Variants in CNTNAP2 observed in about 807,000 individuals in gnomAD.
The protein encoded by CNTNAP2 is contactin associated protein 2, also known as contactin-associated protein-like 2.
Under a neutral mutation model 155.2 loss-of-function variants are expected in CNTNAP2, and 98 were observed. That is an observed-to-expected ratio of 0.63 (90% CI 0.54 to 0.75). The LOEUF (loss-of-function observed/expected upper bound fraction) is 0.75. CNTNAP2 is among the 30% of genes least tolerant of loss of function. The pLI, the probability that CNTNAP2 is intolerant of heterozygous loss-of-function variation, is 0.00. For synonymous variants in CNTNAP2, 651 were observed against 631.2 expected (o/e 1.03, Z -0.47); for missense variants, 1,727 against 1,688.1 (o/e 1.02, Z -0.40).
At chr7:146,340,606 T>A in intron 1 of CNTNAP2, among the ~76,000 whole-genome samples, 1 of 152,172 alleles carries the variant, frequency 6.6e-6, no homozygotes, top group East Asian at 1.9e-4. Flanking sequence ...CCTGTATTTT[T>A]ATTTGCTAAG....
intron 18 of CNTNAP2, among the ~76,000 whole-genome samples, chr7:148,181,142 C>T (rs929011943): frequency 2.1e-4 from 32 of 152,282 alleles, no homozygotes; most frequent in African/African-American, 7.5e-4. Context: ...GGCCTTTGGA[C>T]TTGGACGGAG....
At chr7:148,316,026 C>A (rs1487016710) in intron 21 of CNTNAP2, among the ~76,000 whole-genome samples, 2 of 151,852 alleles carry the variant, frequency 1.3e-5, no homozygotes. Context: ...GAGCATCCTT[C>A]TTAAGTCAAA....
intron 15 of CNTNAP2, among the ~76,000 whole-genome samples, chr7:148,081,987 G>A (rs573031418): frequency 2.0e-5 from 3 of 152,158 alleles, no homozygotes; most frequent in African/African-American, 7.2e-5. Flanking sequence ...TTTTTTAAAT[G>A]TTTTATAGAT....
chr7:147,060,219 G>A (rs1446543911), intron 4 of CNTNAP2, among the ~76,000 whole-genome samples: 1 of 152,062 alleles, frequency 6.6e-6, no homozygotes, highest in Non-Finnish European at 1.5e-5. Flanking sequence ...GGGGAACACA[G>A]TACATCTATA....
At chr7:147,045,379 AT>A (rs1226158266) in intron 4 of CNTNAP2, among the ~76,000 whole-genome samples, 5 of 152,206 alleles carry the variant, frequency 3.3e-5, no homozygotes, top group Admixed American at 3.3e-4. Context: ...AGTAACAGAA[AT>A]TGGTCAAAAT....
rs764498372 is a variant in CNTNAP2 at position 148,147,660 on chromosome 7, C to T, written c.2724C>T (p.Ala908=). 1.9e-6 allele frequency: 3 copies of T among 1,613,914 alleles called. No individual in the cohort carries two copies. Among genetic ancestry groups the T allele is most frequent in the South Asian group, 1.1e-5 (1 of 91,078 alleles). The change falls in exon 17 of 24, where the codon GCC becomes GCT. Residue 908 remains alanine, a synonymous_variant. Transcript: ENST00000361727. ...VDRLPQQIRK[A]PTEGHTRLEL... is the part of the protein sequence containing the mutation. ...GGCTACCGCAGCAGATCCGCAAGGCCCCAACAGAAGGCCACACCCGCCTGG... is the reference window on the plus strand; with the variant it reads ...GGCTACCGCAGCAGATCCGCAAGGCTCCAACAGAAGGCCACACCCGCCTGG...
chr7:148,277,548 T>C (rs1796890328), intron 21 of CNTNAP2, among the ~76,000 whole-genome samples: 1 of 151,556 alleles, frequency 6.6e-6, no homozygotes, highest in Non-Finnish European at 1.5e-5. Context: ...TCTTCTTCCC[T>C]CTCTACATGA....
chr7:147,893,715 A>G (rs150761916), intron 13 of CNTNAP2, among the ~76,000 whole-genome samples: 68 of 152,300 alleles, frequency 4.5e-4, no homozygotes, highest in African/African-American at 1.6e-3. Flanking sequence ...CAAAAAAATC[A>G]GAAGTTATTA....
At chr7:147,124,994 G>A (rs945889880) in intron 6 of CNTNAP2, among the ~76,000 whole-genome samples, 2 of 148,084 alleles carry the variant, frequency 1.4e-5, no homozygotes, top group Admixed American at 6.9e-5. Context: ...GATTCTCCTG[G>A]CTCAGCCTCC....
At chr7:147,630,498 A>G (rs1311451143) in intron 12 of CNTNAP2, among the ~76,000 whole-genome samples, 1 of 152,078 alleles carries the variant, frequency 6.6e-6, no homozygotes, top group Non-Finnish European at 1.5e-5. Context: ...CCTAATACCA[A>G]AGCCAGGAAA....
chr7:148,119,620 T>C (rs1804557481), intron 16 of CNTNAP2, among the ~76,000 whole-genome samples: 1 of 152,208 alleles, frequency 6.6e-6, no homozygotes, highest in Non-Finnish European at 1.5e-5. Context: ...TGATCCCAAA[T>C]CCATTTCCCA....
At chr7:146,198,862 T>C (rs537463892) in intron 1 of CNTNAP2, among the ~76,000 whole-genome samples, 1 of 152,286 alleles carries the variant, frequency 6.6e-6, no homozygotes, top group South Asian at 2.1e-4. Context: ...AATAATTTCA[T>C]TGATTTCTTG....
chr7:147,056,645 A>G (rs1347332356), intron 4 of CNTNAP2, among the ~76,000 whole-genome samples: 1 of 152,234 alleles, frequency 6.6e-6, no homozygotes, highest in Non-Finnish European at 1.5e-5. Context: ...GTTAACGAAC[A>G]AAAGCAAGGT....
chr7:147,443,372 A>C (rs1449951687), intron 10 of CNTNAP2, among the ~76,000 whole-genome samples: 2 of 151,976 alleles, frequency 1.3e-5, no homozygotes, highest in Admixed American at 1.3e-4. Context: ...TGCTCTCCTC[A>C]CCCATGCTGC....
At chr7:147,767,029 T>G (rs900223415) in intron 13 of CNTNAP2, among the ~76,000 whole-genome samples, 3 of 152,112 alleles carry the variant, frequency 2.0e-5, no homozygotes, top group Non-Finnish European at 4.4e-5. Context: ...TTACTCCCTA[T>G]TGACTTGTTG....
At chr7:147,250,465 T>C (rs1009999728) in intron 8 of CNTNAP2, among the ~76,000 whole-genome samples, 2 of 152,154 alleles carry the variant, frequency 1.3e-5, no homozygotes, top group African/African-American at 2.4e-5. Flanking sequence ...AAATTCCCTC[T>C]GAAATCCTTC....
At chr7:147,150,856 T>C (rs976860620) in intron 8 of CNTNAP2, among the ~76,000 whole-genome samples, 1 of 152,066 alleles carries the variant, frequency 6.6e-6, no homozygotes, top group African/African-American at 2.4e-5. Flanking sequence ...GGAATGACTA[T>C]TGAGGGGAGA....
chr7:146,359,615 A>G lies in CNTNAP2; in HGVS notation c.97+242642A>G, dbSNP rs577575396. 2.0e-5 allele frequency among the ~76,000 whole-genome samples: 3 copies of G among 152,362 alleles called. No individual in the cohort carries two copies. The South Asian group carries it at 6.2e-4, about 32-fold the overall frequency. ...ATTTATGGTAGAGTTGTAGGAAAAC[A>G]TAACATCTCTATGAACATTTCACTA... On this transcript the variant is annotated intron_variant, in intron 1 of 23. Transcript: ENST00000361727.
intron 15 of CNTNAP2, among the ~76,000 whole-genome samples, chr7:148,061,982 GATAGATAGATAGA>G (rs1803157727): frequency 7.7e-6 from 1 of 130,364 alleles, no homozygotes; most frequent in African/African-American, 3.1e-5. Context: ...TAGATAGATA[GATAGATAGATAGA>G]TAGATAGATA....
Sources: allele counts gnomAD v4.1 joint callset (sites outside exome capture counted in the v4.1 genomes callset), GRCh38; gene constraint gnomAD v4.1.1; transcripts MANE v1.5; gene names NCBI Gene and HGNC (gene_info 2026-07-23, HGNC 2026-07-21).